SLIT3: variants seen among roughly 807,000 people sequenced by gnomAD.
SLIT3 encodes slit guidance ligand 3.
Under a neutral mutation model 184.0 loss-of-function variants are expected in SLIT3, and 68 were observed. That is an observed-to-expected ratio of 0.37 (90% confidence interval 0.30 to 0.45). The LOEUF (loss-of-function observed/expected upper bound fraction) is 0.45, where lower values mean the gene tolerates loss of function less well. Ranked by LOEUF, SLIT3 falls within the 20% of genes least tolerant of loss-of-function variation. The probability of loss-of-function intolerance (pLI) is 1.00; values close to 1 mark genes in which losing one functional copy is unlikely to be tolerated. For synonymous variants in SLIT3, 831 were observed against 828.6 expected, an observed-to-expected ratio of 1.00 and a Z score of -0.05; for missense variants, 1,707 against 2,026.0, an observed-to-expected ratio of 0.84 and a Z score of 3.02.
intron 4 of SLIT3, among the ~76,000 whole-genome samples, chr5:168,895,036 A>G (rs991860934): frequency 3.0e-4 from 45 of 152,212 alleles, no homozygotes; most frequent in African/African-American, 1.1e-3. Context: ...GAAGATGTAC[A>G]GAAATAAAGT....
At chr5:168,769,560 G>A (rs1755470269) in intron 14 of SLIT3, among the ~76,000 whole-genome samples, 1 of 152,072 alleles carries the variant, frequency 6.6e-6, no homozygotes, top group South Asian at 2.1e-4. Flanking sequence ...CTCATCACAC[G>A]CACTAGAGTC....
At chr5:169,201,445 C>T (rs953613736) in intron 3 of SLIT3, among the ~76,000 whole-genome samples, 1 of 152,134 alleles carries the variant, frequency 6.6e-6, no homozygotes. Context: ...AATGGTTTAA[C>T]ATCTGTAAAG....
rs1167459321 is a variant in SLIT3 at position 169,251,858 on chromosome 5, A to G, written c.198-399T>C. ...TCCTGACCACAGCAAATGTTTCAGAAATGCCTAAATGACTCAAAATCCCAA... is the reference window on the plus strand; with the variant it reads ...TCCTGACCACAGCAAATGTTTCAGAGATGCCTAAATGACTCAAAATCCCAA... On this transcript the variant is annotated intron_variant, in intron 1 of 35. Coordinates refer to ENST00000519560, the MANE Select transcript of SLIT3 (RefSeq NM_003062.4). Among the ~76,000 whole-genome samples, 3 of 152,260 alleles carry G rather than the reference A, an allele frequency of 2.0e-5. No individual in the cohort carries two copies. The East Asian group carries it at 5.8e-4, about 29-fold the overall frequency.
chr5:168,712,973 TGAAA>T (rs201513934), intron 23 of SLIT3, among the ~76,000 whole-genome samples: 1,973 of 152,320 alleles, frequency 0.013, 43 homozygotes, highest in African/African-American at 0.045. Flanking sequence ...TTAATATTTG[TGAAA>T]GAGTCTTGAA....
At chr5:168,798,198 T>C (rs1434914927) in intron 9 of SLIT3, among the ~76,000 whole-genome samples, 1 of 150,000 alleles carries the variant, frequency 6.7e-6, no homozygotes, top group Non-Finnish European at 1.5e-5. Context: ...ACTCTGGCTT[T>C]TGGTTTTCTT....
chr5:169,092,698 G>A (rs1759637447), intron 4 of SLIT3, among the ~76,000 whole-genome samples: 1 of 152,192 alleles, frequency 6.6e-6, no homozygotes, highest in South Asian at 2.1e-4. Context: ...AGAAGTACCA[G>A]AGTGAGGTGT....
Position 168,743,682 on chromosome 5 carries a change from T to C in SLIT3, c.2270+4620A>G, listed in dbSNP as rs142447897. On this transcript the variant is annotated intron_variant, in intron 20 of 35. Transcript: ENST00000519560. ...ATGATGAAGTTTAGTGAGGAAGACA[T>C]ATCAAAAACGAAGACGGATCAAAGC... 3.0e-3 allele frequency among the ~76,000 whole-genome samples: 457 copies of C among 152,326 alleles called. 6 individuals are homozygous for C. The highest frequency in any genetic ancestry group is 0.011 in the African/African-American group (443 of 41,578).
chr5:168,989,202 T>G lies in SLIT3; in HGVS notation c.414-105866A>C, dbSNP rs113787172. ...ACGGAATATGGTAAGCATACATCCT[T>G]AGGAAATGATCTTTTGTTTTGTTTT... On this transcript the variant is annotated intron_variant, in intron 4 of 35. Transcript: ENST00000519560. 4.6e-3 allele frequency among the ~76,000 whole-genome samples: 698 copies of G among 152,304 alleles called. 5 individuals are homozygous for G. Among genetic ancestry groups the G allele is most frequent in the African/African-American group, 0.016 (663 of 41,566 alleles).
chr5:169,128,923 T>C (rs1222385915), intron 4 of SLIT3, among the ~76,000 whole-genome samples: 28 of 152,094 alleles, frequency 1.8e-4, no homozygotes, highest in Admixed American at 1.8e-3. Flanking sequence ...TATTTGGAGT[T>C]ACTGGAAATA....
At chr5:168,879,640 G>A (rs1000683364) in intron 5 of SLIT3, among the ~76,000 whole-genome samples, 2 of 152,146 alleles carry the variant, frequency 1.3e-5, no homozygotes, top group African/African-American at 4.8e-5. Flanking sequence ...AGGAAGCTGA[G>A]GACCAGAGAC....
intron 4 of SLIT3, among the ~76,000 whole-genome samples, chr5:169,148,183 G>A (rs147137853): frequency 1.3e-5 from 2 of 152,286 alleles, no homozygotes; most frequent in African/African-American, 4.8e-5. Context: ...TTCAGGGTCA[G>A]AATTGTTCAC....
At chr5:168,813,361 T>G (rs1034218579) in intron 8 of SLIT3, among the ~76,000 whole-genome samples, 3 of 150,526 alleles carry the variant, frequency 2.0e-5, no homozygotes, top group Admixed American at 1.3e-4. Flanking sequence ...TAACATGAAC[T>G]TCTTCTCTGG....
At chr5:168,918,401 T>C (rs1396802419) in intron 4 of SLIT3, among the ~76,000 whole-genome samples, 1 of 152,152 alleles carries the variant, frequency 6.6e-6, no homozygotes, top group Non-Finnish European at 1.5e-5. Context: ...AAAATGAAAT[T>C]TAAAGGGCCC....
intron 3 of SLIT3, among the ~76,000 whole-genome samples, chr5:169,244,228 G>C (rs759170169): frequency 6.6e-6 from 1 of 152,248 alleles, no homozygotes; most frequent in African/African-American, 2.4e-5. Flanking sequence ...CGCGCTGAAG[G>C]CTGCGCCCAC....
At chr5:169,219,306 G>C (rs1480580009) in intron 3 of SLIT3, among the ~76,000 whole-genome samples, 4 of 152,224 alleles carry the variant, frequency 2.6e-5, no homozygotes, top group African/African-American at 9.6e-5. Context: ...AATGCATTCT[G>C]CCAGTGCTAT....
chr5:169,017,281 A>G (rs941512731), intron 4 of SLIT3, among the ~76,000 whole-genome samples: 1 of 152,200 alleles, frequency 6.6e-6, no homozygotes, highest in Non-Finnish European at 1.5e-5. Context: ...CTGTGATTCC[A>G]GATAGTTGAC....
chr5:169,298,489 A>G (rs1767583181), intron 1 of SLIT3, among the ~76,000 whole-genome samples: 1 of 152,196 alleles, frequency 6.6e-6, no homozygotes, highest in Non-Finnish European at 1.5e-5. Flanking sequence ...TTTCCCAAAC[A>G]TGGAGCACGA....
At chr5:169,226,814 C>T (rs1180529903) in intron 3 of SLIT3, among the ~76,000 whole-genome samples, 1 of 152,174 alleles carries the variant, frequency 6.6e-6, no homozygotes, top group African/African-American at 2.4e-5. Flanking sequence ...GATTCACTTT[C>T]AGTTTTTTGC....
At chr5:168,876,270 C>A (rs550056875) in intron 5 of SLIT3, among the ~76,000 whole-genome samples, 2 of 152,234 alleles carry the variant, frequency 1.3e-5, no homozygotes, top group South Asian at 4.2e-4. Flanking sequence ...CTCCTCTCTG[C>A]CCACACAGCT....
Sources: gnomAD v4.1 joint callset for allele counts (sites outside exome capture counted in the v4.1 genomes callset) on GRCh38, gnomAD v4.1.1 for gene constraint, MANE v1.5 for transcripts, NCBI Gene and HGNC (gene_info 2026-07-23, HGNC 2026-07-21) for gene names.